SAV1: variants seen among roughly 807,000 people sequenced by gnomAD.
The protein encoded by SAV1 is salvador family WW domain containing protein 1.
In SAV1, 23 loss-of-function variants were observed where a neutral mutation model predicts 47.3. The ratio of observed to expected loss-of-function variants is 0.49; its 90% CI spans 0.35 to 0.69. SAV1 has a LOEUF of 0.69. Among genes scored for constraint, SAV1 ranks in the 30% least tolerant of loss-of-function variants. The pLI, the probability that SAV1 is intolerant of heterozygous loss-of-function variation, is 0.01. For synonymous variants in SAV1, 155 were observed against 159.2 expected (o/e 0.97, Z 0.20); for missense variants, 448 against 457.4 (o/e 0.98, Z 0.19).
chr14:50,655,213 ATTACT>A (rs1348762158), intron 2 of SAV1, among the ~76,000 whole-genome samples: 2 of 152,282 alleles, frequency 1.3e-5, no homozygotes, highest in Non-Finnish European at 2.9e-5. Context: ...GAAACACAAA[ATTACT>A]TTACATTCTA....
intron 2 of SAV1, among the ~76,000 whole-genome samples, chr14:50,658,957 A>C (rs1276091770): frequency 1.3e-5 from 2 of 152,204 alleles, no homozygotes; most frequent in African/African-American, 4.8e-5. Flanking sequence ...TCCTTCAAAA[A>C]AAGTACTACT....
At chr14:50,653,825 T>C (rs1020282319) in intron 2 of SAV1, among the ~76,000 whole-genome samples, 15 of 150,938 alleles carry the variant, frequency 9.9e-5, no homozygotes, top group Admixed American at 2.0e-4. Flanking sequence ...GCCGAGATCA[T>C]GCCACTGCAC....
intron 2 of SAV1, among the ~76,000 whole-genome samples, chr14:50,652,023 A>G (rs2039773637): frequency 6.6e-6 from 1 of 152,212 alleles, no homozygotes; most frequent in African/African-American, 2.4e-5. Context: ...CAGTAATCAT[A>G]TTGTCGATGA....
At chr14:50,637,158 T>C (rs2039641474) in intron 4 of SAV1, among the ~76,000 whole-genome samples, 1 of 152,224 alleles carries the variant, frequency 6.6e-6, no homozygotes, top group South Asian at 2.1e-4. Context: ...ATATATTTAA[T>C]TGGACTGCCA....
chr14:50,641,297 C>G (rs1454042719), intron 3 of SAV1, among the ~76,000 whole-genome samples: 2 of 152,012 alleles, frequency 1.3e-5, no homozygotes, highest in Non-Finnish European at 2.9e-5. Context: ...TTTGAAATAT[C>G]TCTATCCAAT....
chr14:50,638,829 G>A (rs749370520), intron 4 of SAV1, among the ~76,000 whole-genome samples: 4 of 152,024 alleles, frequency 2.6e-5, no homozygotes, highest in Non-Finnish European at 5.9e-5. Flanking sequence ...GTGCAATGGC[G>A]CAATCTTGGC....
intron 4 of SAV1, among the ~76,000 whole-genome samples, chr14:50,640,425 CCTTA>C (rs1285674519): frequency 6.6e-6 from 1 of 152,126 alleles, no homozygotes; most frequent in Non-Finnish European, 1.5e-5. Flanking sequence ...AAGCCCAGGT[CCTTA>C]CTTTTATCAC....
At chr14:50,649,448 G>A (rs1595642501) in intron 2 of SAV1, among the ~76,000 whole-genome samples, 2 of 152,328 alleles carry the variant, frequency 1.3e-5, no homozygotes, top group African/African-American at 2.4e-5. Context: ...TAAAGACAGT[G>A]TAGTATTAGT....
At chr14:50,666,423 C>A (rs1213879185) in intron 1 of SAV1, among the ~76,000 whole-genome samples, 1 of 152,092 alleles carries the variant, frequency 6.6e-6, no homozygotes, top group South Asian at 2.1e-4. Context: ...AGACAAAAAC[C>A]TGAATATGCA....
At position 50,665,161 on chromosome 14, in the gene SAV1, T is replaced by C; in HGVS notation, c.535+18A>G. On this transcript the variant is annotated intron_variant, in intron 2 of 4. Transcript: ENST00000324679. ...TCAATAAATATAAACTACTATATTATTTATAATGTTAAGCTACCTGAAGCA... is the reference window on the plus strand; with the variant it reads ...TCAATAAATATAAACTACTATATTACTTATAATGTTAAGCTACCTGAAGCA... The C allele has an allele frequency of 6.6e-7, 1 of 1,515,990 alleles. No individual in the cohort carries two copies. The highest frequency in any genetic ancestry group is 8.8e-7 in the Non-Finnish European group (1 of 1,131,196). The allele number at this position is 1,515,990 out of a possible 1,614,324, so 93.9% of individuals were successfully genotyped here.
intron 1 of SAV1, among the ~76,000 whole-genome samples, chr14:50,667,182 GATTGGGAGTGGGATCTACCCT>G (rs2039908462): frequency 6.6e-6 from 1 of 151,622 alleles, no homozygotes; most frequent in South Asian, 2.1e-4. Context: ...CGGAGGTGGG[GATTGGGAGTGGGATCTACCCT>G]ATTAAAAAAA....
rs943431858 is a variant in SAV1 at position 50,651,760 on chromosome 14, G to T, written c.536-6746C>A. On this transcript the variant is annotated intron_variant, in intron 2 of 4. Coordinates refer to ENST00000324679, the MANE Select transcript of SAV1 (RefSeq NM_021818.4). ...TCCCACCTCAGCCTCCCAAGTAGGT[G>T]TGACTATGGGCATGCACCACCAAGC... 5.3e-5 allele frequency among the ~76,000 whole-genome samples: 8 copies of T among 152,104 alleles called. 1 individual carries two copies. The East Asian group carries it at 1.4e-3, about 26-fold the overall frequency.
At chr14:50,642,220 A>G (rs1303806021) in intron 3 of SAV1, among the ~76,000 whole-genome samples, 1 of 152,160 alleles carries the variant, frequency 6.6e-6, no homozygotes, top group Non-Finnish European at 1.5e-5. Context: ...GGATGGGAGA[A>G]GCATGAGGAT....
chr14:50,638,172 T>A (rs931974972), intron 4 of SAV1, among the ~76,000 whole-genome samples: 2 of 152,218 alleles, frequency 1.3e-5, no homozygotes, highest in African/African-American at 4.8e-5. Flanking sequence ...TTCTACATAG[T>A]TACTACCCTT....
intron 2 of SAV1, among the ~76,000 whole-genome samples, chr14:50,646,242 T>C (rs1417438299): frequency 6.6e-6 from 1 of 152,154 alleles, no homozygotes; most frequent in Non-Finnish European, 1.5e-5. Context: ...AATTGAACAA[T>C]TATTATAATA....
At chr14:50,661,110 C>G (rs561293186) in intron 2 of SAV1, among the ~76,000 whole-genome samples, 22 of 152,326 alleles carry the variant, frequency 1.4e-4, no homozygotes, top group Admixed American at 1.3e-4. Context: ...TTTCTTCACA[C>G]TCTCACCAGT....
intron 2 of SAV1, among the ~76,000 whole-genome samples, chr14:50,648,151 G>A (rs956022769): frequency 1.3e-5 from 2 of 152,204 alleles, no homozygotes; most frequent in Admixed American, 1.3e-4. Context: ...TCTCAAAGAT[G>A]AATCTCAGAA....
At chr14:50,666,757 A>G (rs1439878673) in intron 1 of SAV1, among the ~76,000 whole-genome samples, 4 of 151,618 alleles carry the variant, frequency 2.6e-5, no homozygotes, top group Non-Finnish European at 4.4e-5. Context: ...ACCTAACTGC[A>G]TGTGTGACTG....
At position 50,644,766 on chromosome 14, in the gene SAV1, A is replaced by G. The variant is rs367629848; in HGVS notation, c.784T>C (p.Tyr262His). 3 of 1,614,026 alleles carry G rather than the reference A, an allele frequency of 1.9e-6. No individual in the cohort carries two copies. The African/African-American group carries it at 4.0e-5, about 22-fold the overall frequency. Reference protein sequence around the residue: ...YVDHTNKKAQYRHPCAPSVPR... With the variant: ...YVDHTNKKAQHRHPCAPSVPR... ...TACCTAGGAGCACAGGGATGCCTGT[A>G]TTGGGCCTTCTTATTTGTGTGATCT... Residue 262 changes from tyrosine (Y) to histidine (H), a missense_variant, in exon 3 of 5, where the codon TAC becomes CAC. Coordinates refer to ENST00000324679, the MANE Select transcript of SAV1 (RefSeq NM_021818.4).
Sources: gnomAD v4.1 joint callset for allele counts (sites outside exome capture counted in the v4.1 genomes callset) on GRCh38, gnomAD v4.1.1 for gene constraint, MANE v1.5 for transcripts, NCBI Gene and HGNC (gene_info 2026-07-23, HGNC 2026-07-21) for gene names.